The following FAM50B variants were observed in gnomAD, a reference collection of about 807,000 sequenced individuals.
The protein encoded by FAM50B is protein FAM50B.
A neutral mutation model predicts 25.4 loss-of-function variants in FAM50B; 9 were observed. The ratio of observed to expected loss-of-function variants is 0.35; its 90% CI spans 0.21 to 0.62. FAM50B has a LOEUF of 0.62. Ranked by LOEUF, FAM50B falls within the 20% of genes least tolerant of loss-of-function variation. The pLI is 0.73. For synonymous variants in FAM50B, 212 were observed against 204.3 expected, an observed-to-expected ratio of 1.04 and a Z score of -0.32; for missense variants, 372 against 477.9, an observed-to-expected ratio of 0.78 and a Z score of 2.07.
chr6:3,836,294 C>T, the FAM50B span, among the ~76,000 whole-genome samples: 1 of 152,228 alleles, frequency 6.6e-6, no homozygotes, highest in Non-Finnish European at 1.5e-5. Flanking sequence ...TTGCAAAACA[C>T]TCAGTTTACT....
Position 3,850,336 on chromosome 6 carries a change from G to A in FAM50B, c.525G>A (p.Ala175=). ...LREELRQEWE[A]QREKVKDEEM... ...AGGAGCTGCGCCAAGAGTGGGAGGC[G>A]CAGCGCGAGAAAGTGAAGGACGAGG... The change falls in exon 2 of 2, where the codon GCG becomes GCA. Residue 175 remains alanine, a synonymous_variant. Transcript: ENST00000648326. The A allele has an allele frequency of 1.2e-6, 2 of 1,613,284 alleles. No homozygotes were observed. Among genetic ancestry groups the A allele is most frequent in the South Asian group, 1.1e-5 (1 of 91,076 alleles).
chr6:3,850,051 G>A lies in FAM50B; in HGVS notation c.240G>A (p.Leu80=). ...LNDMKARQEA[L]VRERERQLAK... ...ACATGAAGGCCCGGCAGGAGGCCCT[G>A]GTCAGGGAGCGCGAGCGGCAGCTGG... The change falls in exon 2 of 2, where the codon CTG becomes CTA. Residue 80 remains leucine (L), a synonymous_variant. Transcript: ENST00000648326. 6.2e-7 allele frequency: 1 copy of A among 1,612,780 alleles called. No individual in the cohort carries two copies. Among genetic ancestry groups the A allele is most frequent in the Non-Finnish European group, 8.5e-7 (1 of 1,179,500 alleles).
the FAM50B span, among the ~76,000 whole-genome samples, chr6:3,836,634 G>A: frequency 2.2e-4 from 34 of 152,140 alleles, no homozygotes; most frequent in African/African-American, 7.0e-4. Flanking sequence ...GTAGACTCTC[G>A]AACTATTACA....
At chr6:3,849,024 GCCACAGCAGCTTGCGCTGCGC>G (rs1214493220), upstream of FAM50B, among the ~76,000 whole-genome samples, 3 of 152,222 alleles carry the variant, frequency 2.0e-5, no homozygotes, top group Non-Finnish European at 4.4e-5. Context: ...TCTCTGGGTG[GCCACAGCAGCTTGCGCTGCGC>G]CCACATTGCT....
At chr6:3,832,188 T>G in the FAM50B span, among the ~76,000 whole-genome samples, 1 of 152,150 alleles carries the variant, frequency 6.6e-6, no homozygotes, top group Admixed American at 6.5e-5. Context: ...AACTTTAAAA[T>G]TTTTCTTTTT....
chr6:3,850,449 TGAA>T lies in FAM50B; in HGVS notation c.643_645del (p.Lys215del). On this transcript the variant is annotated inframe_deletion, in exon 2 of 2. Transcript: ENST00000648326. ...AAGGGCAACACGGTGCAGCAGTTCC[TGAA>T]GAAGGCGCTGCAGGGGCTGCGCAAG... 1 of 1,613,516 alleles carries T rather than the reference TGAA, an allele frequency of 6.2e-7. No individual in the cohort carries two copies. The highest frequency in any genetic ancestry group is 8.5e-7 in the Non-Finnish European group (1 of 1,179,966).
the FAM50B span, among the ~76,000 whole-genome samples, chr6:3,832,514 C>T: frequency 6.6e-6 from 1 of 152,228 alleles, no homozygotes; most frequent in Non-Finnish European, 1.5e-5. Flanking sequence ...TCCCTGGCTT[C>T]TCAGATGCAG....
the FAM50B span, among the ~76,000 whole-genome samples, chr6:3,842,798 A>G: frequency 6.6e-6 from 1 of 152,244 alleles, no homozygotes; most frequent in African/African-American, 2.4e-5. Context: ...AAAGCATATT[A>G]TGAAAATAAC....
chr6:3,850,063 C>T lies in FAM50B; in HGVS notation c.252C>T (p.Arg84=), dbSNP rs1306579674. 1.2e-6 allele frequency: 2 copies of T among 1,611,162 alleles called. No homozygotes were observed. The highest frequency in any genetic ancestry group is 2.2e-5 in the South Asian group (2 of 90,906). The change falls in exon 2 of 2, where the codon CGC becomes CGT. Residue 84 remains arginine, a synonymous_variant. Transcript: ENST00000648326. ...GGCAGGAGGCCCTGGTCAGGGAGCGCGAGCGGCAGCTGGCCAAGCGCCAGC... is the reference window on the plus strand; with the variant it reads ...GGCAGGAGGCCCTGGTCAGGGAGCGTGAGCGGCAGCTGGCCAAGCGCCAGC... ...KARQEALVRE[R]ERQLAKRQHL... is the part of the protein sequence containing the mutation.
upstream of FAM50B, among the ~76,000 whole-genome samples, chr6:3,846,348 C>T (rs1270300981): frequency 1.3e-5 from 2 of 152,142 alleles, no homozygotes; most frequent in Non-Finnish European, 2.9e-5. Flanking sequence ...ATACTATAGT[C>T]TAGTAAGTGT....
chr6:3,843,561 G>T, the FAM50B span, among the ~76,000 whole-genome samples: 132 of 152,248 alleles, frequency 8.7e-4, 1 homozygote, highest in South Asian at 3.1e-3. Flanking sequence ...ACGTGGTGTG[G>T]ATTTTTTCCC....
the FAM50B span, among the ~76,000 whole-genome samples, chr6:3,837,487 C>A: frequency 3.3e-5 from 5 of 152,242 alleles, no homozygotes; most frequent in African/African-American, 1.2e-4. Flanking sequence ...ACATCATTTG[C>A]CACTTGGTAA....
chr6:3,842,322 A>G, the FAM50B span, among the ~76,000 whole-genome samples: 1 of 152,232 alleles, frequency 6.6e-6, no homozygotes, highest in Non-Finnish European at 1.5e-5. Context: ...CACTTTCCAA[A>G]AAAAGAAGGG....
At chr6:3,842,415 T>C in the FAM50B span, among the ~76,000 whole-genome samples, 1 of 152,226 alleles carries the variant, frequency 6.6e-6, no homozygotes, top group Non-Finnish European at 1.5e-5. Flanking sequence ...TCTACGTTCC[T>C]TTAAGAGGAC....
the FAM50B span, among the ~76,000 whole-genome samples, chr6:3,841,528 C>G: frequency 6.6e-6 from 1 of 152,184 alleles, no homozygotes; most frequent in Admixed American, 6.5e-5. Context: ...CATTCTATCT[C>G]TGTTTATTGT....
chr6:3,832,340 G>T, the FAM50B span, among the ~76,000 whole-genome samples: 40,886 of 152,118 alleles, frequency 0.27, 6,136 homozygotes, highest in Non-Finnish European at 0.34. Context: ...TCCTTAACTT[G>T]AGTTTTGTAT....
intron 1 of FAM50B, 49 bp from the exon 2 acceptor site, chr6:3,849,740 C>T (rs544563929): frequency 9.3e-6 from 14 of 1,500,984 alleles, no homozygotes; most frequent in East Asian, 7.2e-5. Context: ...CATTCCCCGC[C>T]GTTGCGTGGG....
chr6:3,840,127 G>A, the FAM50B span, among the ~76,000 whole-genome samples: 2 of 152,040 alleles, frequency 1.3e-5, no homozygotes, highest in Non-Finnish European at 2.9e-5. Flanking sequence ...TGAGTAGTTG[G>A]GACTACAGGC....
the FAM50B span, among the ~76,000 whole-genome samples, chr6:3,843,757 G>A: frequency 1.3e-5 from 2 of 152,206 alleles, no homozygotes; most frequent in East Asian, 1.9e-4. Flanking sequence ...ATTCGAAAGC[G>A]TGCAATAATA....
Sources: gnomAD v4.1 joint callset for allele counts (sites outside exome capture counted in the v4.1 genomes callset) on GRCh38, gnomAD v4.1.1 for gene constraint, MANE v1.5 for transcripts, NCBI Gene and HGNC (gene_info 2026-07-23, HGNC 2026-07-21) for gene names.